Variants in AKAP19 observed in about 807,000 individuals in gnomAD.
The protein encoded by AKAP19 is small A-kinase anchoring protein.
chr2:189,917,474 C>G, the AKAP19 span: 1 of 692,284 alleles, frequency 1.4e-6, no homozygotes, highest in South Asian at 1.6e-5. Context: ...CTGGTTGACT[C>G]TTTGAAACAG....
the AKAP19 span, among the ~76,000 whole-genome samples, chr2:190,085,309 C>T: frequency 3.3e-5 from 5 of 152,148 alleles, no homozygotes; most frequent in Non-Finnish European, 7.4e-5. Context: ...ATTTTATATG[C>T]AAATAACAGT....
chr2:190,171,448 T>C, the AKAP19 span, among the ~76,000 whole-genome samples: 1 of 151,988 alleles, frequency 6.6e-6, no homozygotes, highest in African/African-American at 2.4e-5. Flanking sequence ...TTGGACTTTT[T>C]TTCTGACTAC....
At chr2:189,886,742 T>A in the AKAP19 span, among the ~76,000 whole-genome samples, 1 of 152,094 alleles carries the variant, frequency 6.6e-6, no homozygotes, top group Non-Finnish European at 1.5e-5. Flanking sequence ...ATTCTAGACA[T>A]AGGGAAGAAA....
chr2:190,004,914 T>G, the AKAP19 span, among the ~76,000 whole-genome samples: 3 of 152,224 alleles, frequency 2.0e-5, no homozygotes, highest in Non-Finnish European at 4.4e-5. Context: ...GCGATATTAC[T>G]GTGTCCGCAA....
chr2:190,153,558 TA>T, the AKAP19 span, among the ~76,000 whole-genome samples: 1 of 152,134 alleles, frequency 6.6e-6, no homozygotes, highest in African/African-American at 2.4e-5. Flanking sequence ...TATAATAGTA[TA>T]ATGTTTTCAT....
chr2:189,991,094 G>A, the AKAP19 span, among the ~76,000 whole-genome samples: 1 of 152,072 alleles, frequency 6.6e-6, no homozygotes, highest in Non-Finnish European at 1.5e-5. Context: ...TCCACTCATT[G>A]GCTGATGAGC....
chr2:190,160,017 GA>G, the AKAP19 span, among the ~76,000 whole-genome samples: 1 of 152,164 alleles, frequency 6.6e-6, no homozygotes, highest in Non-Finnish European at 1.5e-5. Flanking sequence ...GTGTAGAGTT[GA>G]AACATTTCTT....
the AKAP19 span, among the ~76,000 whole-genome samples, chr2:190,005,500 A>G: frequency 6.6e-6 from 1 of 152,202 alleles, no homozygotes; most frequent in African/African-American, 2.4e-5. Flanking sequence ...TTCACCTCTC[A>G]TTGCCACCTT....
At chr2:189,946,872 T>C in the AKAP19 span, among the ~76,000 whole-genome samples, 1 of 152,220 alleles carries the variant, frequency 6.6e-6, no homozygotes, top group Non-Finnish European at 1.5e-5. Context: ...ATAAAAATTA[T>C]TTTAAAATTT....
chr2:190,149,137 A>ATT, the AKAP19 span, among the ~76,000 whole-genome samples: 1 of 151,442 alleles, frequency 6.6e-6, no homozygotes, highest in Non-Finnish European at 1.5e-5. Flanking sequence ...CTAATTTTGT[A>ATT]TTTTTAGTAG....
At chr2:189,984,838 C>T in the AKAP19 span, among the ~76,000 whole-genome samples, 1 of 152,060 alleles carries the variant, frequency 6.6e-6, no homozygotes, top group Non-Finnish European at 1.5e-5. Context: ...CTTCCTGCAA[C>T]ATTTTGGGGG....
the AKAP19 span, among the ~76,000 whole-genome samples, chr2:189,960,924 C>T: frequency 6.6e-6 from 1 of 152,206 alleles, no homozygotes; most frequent in Non-Finnish European, 1.5e-5. Context: ...AGACTAGAAA[C>T]AAAATGTATG....
chr2:190,001,710 G>A, the AKAP19 span, among the ~76,000 whole-genome samples: 3 of 152,136 alleles, frequency 2.0e-5, no homozygotes, highest in African/African-American at 4.8e-5. Flanking sequence ...CTATGTGTAA[G>A]CAGAGGAACA....
At chr2:190,068,226 C>G in the AKAP19 span, among the ~76,000 whole-genome samples, 1 of 152,142 alleles carries the variant, frequency 6.6e-6, no homozygotes, top group African/African-American at 2.4e-5. Context: ...CCTTCCATCC[C>G]CCAAATAGAC....
the AKAP19 span, among the ~76,000 whole-genome samples, chr2:190,181,683 A>T: frequency 2.6e-5 from 4 of 152,190 alleles, no homozygotes; most frequent in African/African-American, 9.7e-5. Flanking sequence ...TCCTTTAGGG[A>T]ATTAGGTTAA....
chr2:190,165,862 A>C, the AKAP19 span, among the ~76,000 whole-genome samples: 2 of 152,230 alleles, frequency 1.3e-5, no homozygotes, highest in East Asian at 1.9e-4. Flanking sequence ...CAAATATAAG[A>C]AAGAATATTA....
At chr2:190,023,494 A>G in the AKAP19 span, among the ~76,000 whole-genome samples, 1 of 152,102 alleles carries the variant, frequency 6.6e-6, no homozygotes, top group African/African-American at 2.4e-5. Context: ...TTTTATGACT[A>G]TAGAATGATC....
chr2:190,108,264 T>C, the AKAP19 span, among the ~76,000 whole-genome samples: 1 of 152,152 alleles, frequency 6.6e-6, no homozygotes, highest in Non-Finnish European at 1.5e-5. Context: ...CAAGTTATTT[T>C]CCTGCCTCAG....
the AKAP19 span, among the ~76,000 whole-genome samples, chr2:190,112,506 C>G: frequency 6.6e-6 from 1 of 152,132 alleles, no homozygotes; most frequent in Non-Finnish European, 1.5e-5. Context: ...TAAAGTGTTT[C>G]TATTAATATG....
Sources: allele counts gnomAD v4.1 joint callset (sites outside exome capture counted in the v4.1 genomes callset), GRCh38; gene constraint gnomAD v4.1.1; transcripts MANE v1.5; gene names NCBI Gene and HGNC (gene_info 2026-07-23, HGNC 2026-07-21).